Variants in PTPN12 observed in about 807,000 individuals in gnomAD.
The protein encoded by PTPN12 is protein tyrosine phosphatase non-receptor type 12.
Under a neutral mutation model 97.6 loss-of-function variants are expected in PTPN12, and 29 were observed. That is an observed-to-expected ratio of 0.30 (90% CI 0.22 to 0.41). The LOEUF is 0.41. Ranked by LOEUF, PTPN12 falls within the 10% of genes least tolerant of loss-of-function variation. PTPN12 has a pLI of 1.00. For missense variants in PTPN12, 819 were observed against 926.0 expected, an observed-to-expected ratio of 0.88 and a Z score of 1.50; for synonymous variants, 327 against 300.4, an observed-to-expected ratio of 1.09 and a Z score of -0.91.
intron 1 of PTPN12, among the ~76,000 whole-genome samples, chr7:77,560,321 C>T (rs1440631183): frequency 6.6e-6 from 1 of 152,142 alleles, no homozygotes; most frequent in Non-Finnish European, 1.5e-5. Flanking sequence ...CTGGATAGGA[C>T]ATTTAATTCT....
At chr7:77,574,412 CTG>C (rs1482405878) in intron 2 of PTPN12, among the ~76,000 whole-genome samples, 1 of 152,180 alleles carries the variant, frequency 6.6e-6, no homozygotes, top group Non-Finnish European at 1.5e-5. Flanking sequence ...AAACAGGAAA[CTG>C]AGACAGAGAG....
chr7:77,573,679 C>T (rs1291763280), intron 2 of PTPN12, among the ~76,000 whole-genome samples: 1 of 152,196 alleles, frequency 6.6e-6, no homozygotes, highest in Non-Finnish European at 1.5e-5. Flanking sequence ...TGGAATTATT[C>T]ATGCACACAT....
chr7:77,565,015 C>T (rs542155095), intron 1 of PTPN12, among the ~76,000 whole-genome samples: 1 of 152,092 alleles, frequency 6.6e-6, no homozygotes, highest in South Asian at 2.1e-4. Flanking sequence ...CTTGGCCTCC[C>T]AAAGTGCTGG....
At chr7:77,636,681 T>G (rs1272006359) in intron 15 of PTPN12, 1 of 183,400 alleles carries the variant, frequency 5.5e-6, no homozygotes, top group Non-Finnish European at 1.1e-5. Flanking sequence ...TTTAGCTACA[T>G]CTTATATTTG....
chr7:77,571,568 GATTA>G (rs1222438075), intron 2 of PTPN12, among the ~76,000 whole-genome samples: 1 of 152,096 alleles, frequency 6.6e-6, no homozygotes, highest in Non-Finnish European at 1.5e-5. Context: ...AACCTTAATT[GATTA>G]ATTATGCATG....
chr7:77,544,131 G>A (rs1807114233), intron 1 of PTPN12, among the ~76,000 whole-genome samples: 1 of 152,150 alleles, frequency 6.6e-6, no homozygotes, highest in Admixed American at 6.5e-5. Flanking sequence ...TTCCAATCAG[G>A]AATATATGAG....
intron 1 of PTPN12, among the ~76,000 whole-genome samples, chr7:77,555,437 A>G (rs1401674389): frequency 6.6e-6 from 1 of 151,734 alleles, no homozygotes; most frequent in Non-Finnish European, 1.5e-5. Flanking sequence ...TTGTCCCCAC[A>G]GTTTTTGCAT....
intron 1 of PTPN12, among the ~76,000 whole-genome samples, chr7:77,570,018 A>G (rs1375145692): frequency 6.6e-6 from 1 of 152,168 alleles, no homozygotes; most frequent in Non-Finnish European, 1.5e-5. Context: ...ACACATGTAT[A>G]TATTTGGAGA....
intron 1 of PTPN12, among the ~76,000 whole-genome samples, chr7:77,568,283 A>G (rs917883565): frequency 6.6e-6 from 1 of 152,364 alleles, no homozygotes; most frequent in Middle Eastern, 3.4e-3. Flanking sequence ...GTCATTTCAC[A>G]TAAAAGCTTT....
intron 5 of PTPN12, 65 bp downstream of exon 5, chr7:77,585,646 T>G: frequency 7.1e-7 from 1 of 1,409,776 alleles, no homozygotes; most frequent in Non-Finnish European, 1.0e-6. Context: ...TCTTTTATTA[T>G]TATAGTCTTA....
Position 77,571,104 on chromosome 7 carries a change from T to C in PTPN12, c.126T>C (p.Tyr42=), listed in dbSNP as rs1258072071. Reference sequence around the variant, plus strand: ...GGTTAAGAAGATTGTCTACCAAATATAGAACAGAAAAGATATATCCCACAG... The same window carrying C: ...GGTTAAGAAGATTGTCTACCAAATACAGAACAGAAAAGATATATCCCACAG... ...FMRLRRLSTK[Y]RTEKIYPTAT... Residue 42 remains tyrosine (Y), a synonymous_variant, in exon 2 of 18, where the codon TAT becomes TAC. Coordinates refer to ENST00000248594, the MANE Select transcript of PTPN12 (RefSeq NM_002835.4). The C allele has an allele frequency of 1.3e-6, 2 of 1,594,572 alleles. No individual in the cohort carries two copies. Among genetic ancestry groups the C allele is most frequent in the Non-Finnish European group, 1.7e-6 (2 of 1,170,298 alleles).
Position 77,599,158 on chromosome 7 carries a change from A to G in PTPN12, c.552+1257A>G, listed in dbSNP as rs555967956. On this transcript the variant is annotated intron_variant, in intron 7 of 17. Coordinates refer to ENST00000248594, the MANE Select transcript of PTPN12 (RefSeq NM_002835.4). ...AATAGTTATACCTTCTTTGCAGCAA[A>G]TATTTTTATTCTATTGCAGTAAGCA... Among the ~76,000 whole-genome samples, 6 of 152,032 alleles carry G rather than the reference A, an allele frequency of 3.9e-5. No homozygotes were observed. In the East Asian group the frequency reaches 5.8e-4, roughly 15 times the overall value.
chr7:77,608,043 C>T (rs975645807), intron 9 of PTPN12, among the ~76,000 whole-genome samples: 1 of 152,180 alleles, frequency 6.6e-6, no homozygotes, highest in African/African-American at 2.4e-5. Context: ...GCGTGAGCTA[C>T]GGTGCCTGGC....
chr7:77,600,548 T>A (rs972002701), intron 7 of PTPN12, 116 bp from the exon 8 acceptor site: 14 of 833,952 alleles, frequency 1.7e-5, no homozygotes, highest in Middle Eastern at 3.6e-4. Context: ...TGGGTTTTTT[T>A]AAAAGCAGTG....
chr7:77,582,904 T>C (rs1051082004), intron 3 of PTPN12, among the ~76,000 whole-genome samples: 1 of 152,150 alleles, frequency 6.6e-6, no homozygotes, highest in African/African-American at 2.4e-5. Context: ...ATACATTAAA[T>C]AAAAACTAAT....
At position 77,611,019 on chromosome 7, in the gene PTPN12, T is replaced by C; in HGVS notation, c.912T>C (p.His304=). 6.2e-7 allele frequency: 1 copy of C among 1,612,892 alleles called. No individual in the cohort carries two copies. The highest frequency in any genetic ancestry group is 8.5e-7 in the Non-Finnish European group (1 of 1,179,200). ...FEKQLQLYEI[H]GAQKIADGVN... is the part of the protein sequence containing the mutation. ...AACAGCTACAACTATATGAAATTCA[T>C]GGAGCTCAGAAAATTGCTGATGGAG... Residue 304 remains histidine (H), a synonymous_variant, in exon 11 of 18, where the codon CAT becomes CAC. Coordinates refer to ENST00000248594, the MANE Select transcript of PTPN12 (RefSeq NM_002835.4).
At chr7:77,611,895 T>C (rs562869946) in intron 11 of PTPN12, among the ~76,000 whole-genome samples, 51 of 152,310 alleles carry the variant, frequency 3.3e-4, no homozygotes, top group African/African-American at 1.2e-3. Flanking sequence ...TGTATTCTCT[T>C]AGTATTCTCA....
chr7:77,545,856 AAATGAATG>A (rs1477726697), intron 1 of PTPN12: 1 of 152,146 alleles, frequency 6.6e-6, no homozygotes, highest in Non-Finnish European at 1.5e-5. Flanking sequence ...CATACCTACT[AAATGAATG>A]AAATCTTGCT....
chr7:77,559,727 C>G (rs1807913221), intron 1 of PTPN12, among the ~76,000 whole-genome samples: 1 of 152,012 alleles, frequency 6.6e-6, no homozygotes, highest in African/African-American at 2.4e-5. Context: ...GGTGCCAATT[C>G]ACTGACTATG....
Sources: gnomAD v4.1 joint callset for allele counts (sites outside exome capture counted in the v4.1 genomes callset) on GRCh38, gnomAD v4.1.1 for gene constraint, MANE v1.5 for transcripts, NCBI Gene and HGNC (gene_info 2026-07-23, HGNC 2026-07-21) for gene names.